Variants in PPP2R2B observed in about 807,000 individuals in gnomAD.
PPP2R2B encodes the protein protein phosphatase 2 regulatory subunit Bbeta.
PPP2R2B carries 5 observed loss-of-function variants against 46.0 expected under a neutral mutation model. That is an observed-to-expected ratio of 0.11 (90% confidence interval 0.06 to 0.23). The LOEUF is 0.23. Ranked by LOEUF, PPP2R2B falls within the 10% of genes least tolerant of loss-of-function variation. PPP2R2B has a pLI of 1.00. For synonymous variants in PPP2R2B, 215 were observed against 206.7 expected (o/e 1.04, Z -0.34); for missense variants, 367 against 575.0 (o/e 0.64, Z 3.70).
At chr5:146,754,133 G>C (rs187795189) in intron 2 of PPP2R2B, among the ~76,000 whole-genome samples, 1 of 152,158 alleles carries the variant, frequency 6.6e-6, no homozygotes, top group Non-Finnish European at 1.5e-5. Context: ...GTCAGATGAA[G>C]GATGATTGGA....
intron 2 of PPP2R2B, among the ~76,000 whole-genome samples, chr5:146,805,050 G>A (rs999738571): frequency 5.3e-5 from 8 of 152,194 alleles, no homozygotes; most frequent in Non-Finnish European, 1.2e-4. Flanking sequence ...CAAGCTGTGA[G>A]GTCAGATTTT....
chr5:146,932,836 T>C (rs2926170), intron 1 of PPP2R2B, among the ~76,000 whole-genome samples: 20,431 of 152,148 alleles, frequency 0.13, 1,630 homozygotes, highest in East Asian at 0.27. Context: ...ACTAACCACC[T>C]AGTATATGCA....
intron 2 of PPP2R2B, among the ~76,000 whole-genome samples, chr5:146,857,711 G>A (rs2151389403): frequency 6.6e-6 from 1 of 150,434 alleles, no homozygotes; most frequent in Non-Finnish European, 1.5e-5. Context: ...TTTTGAGATG[G>A]AGTTTTGCTC....
rs182167854 is a variant in PPP2R2B, at chr5:146,992,603, C to T, written c.79+63062G>A. Reference sequence around the variant, plus strand: ...GGGAGGACAAGGGGCACCTTATCACCGCCAGGGTGTTGGGGGAGTGGAAAC... The same window carrying T: ...GGGAGGACAAGGGGCACCTTATCACTGCCAGGGTGTTGGGGGAGTGGAAAC... On this transcript the variant is annotated intron_variant, in intron 1 of 8. Transcript: ENST00000336640. Among the ~76,000 whole-genome samples, 17 of 152,254 alleles carry T rather than the reference C, an allele frequency of 1.1e-4. No individual in the cohort carries two copies. In the East Asian group the frequency reaches 1.7e-3, roughly 16 times the overall value.
At chr5:146,952,055 A>G (rs974560351) in intron 1 of PPP2R2B, among the ~76,000 whole-genome samples, 3 of 149,824 alleles carry the variant, frequency 2.0e-5, no homozygotes, top group Admixed American at 6.7e-5. Context: ...ATGGAAATTT[A>G]TAATCTTTGG....
At chr5:146,899,275 C>A (rs1762746021) in intron 1 of PPP2R2B, among the ~76,000 whole-genome samples, 1 of 147,778 alleles carries the variant, frequency 6.8e-6, no homozygotes, top group Admixed American at 6.8e-5. Context: ...ACATATACAC[C>A]ATGGAATACT....
At chr5:146,636,065 T>C (rs1774800004) in intron 7 of PPP2R2B, among the ~76,000 whole-genome samples, 1 of 152,226 alleles carries the variant, frequency 6.6e-6, no homozygotes, top group Non-Finnish European at 1.5e-5. Flanking sequence ...TTCCAAATTA[T>C]CCTTGCATTG....
chr5:146,608,993 A>G (rs550082541), intron 7 of PPP2R2B, among the ~76,000 whole-genome samples: 2 of 152,348 alleles, frequency 1.3e-5, no homozygotes, highest in Admixed American at 1.3e-4. Context: ...CTATAAGCCA[A>G]TATCCCTGAT....
chr5:146,661,901 T>C (rs1776699197), intron 5 of PPP2R2B, among the ~76,000 whole-genome samples: 2 of 152,174 alleles, frequency 1.3e-5, no homozygotes, highest in African/African-American at 4.8e-5. Flanking sequence ...AGAGACATCT[T>C]AAAATACCCC....
At position 146,885,497 on chromosome 5, in the gene PPP2R2B, T is replaced by G. The variant is rs187982707; in HGVS notation, c.79+170168A>C. 5.3e-5 allele frequency among the ~76,000 whole-genome samples: 8 copies of G among 152,296 alleles called. No individual in the cohort carries two copies. The East Asian group carries it at 1.5e-3, about 29-fold the overall frequency. On this transcript the variant is annotated intron_variant, in intron 1 of 8. Transcript: ENST00000336640. ...TGTGTTGGTGAGGATGTGGCAAAAA[T>G]CAGAACCTTCAAATCCTACATTGCT... is the stretch of plus-strand genomic sequence containing the variant.
intron 2 of PPP2R2B, among the ~76,000 whole-genome samples, chr5:146,826,524 T>C (rs1019568285): frequency 6.6e-6 from 1 of 152,122 alleles, no homozygotes; most frequent in Non-Finnish European, 1.5e-5. Context: ...AAACCAGAGG[T>C]TGCACAAGCT....
chr5:146,695,154 A>G (rs545430511), intron 4 of PPP2R2B, among the ~76,000 whole-genome samples: 1 of 152,280 alleles, frequency 6.6e-6, no homozygotes, highest in Admixed American at 6.5e-5. Context: ...TAGTTACAAA[A>G]GAGTTTGCAG....
In PPP2R2B at chr5:147,042,601, A is replaced by G. The variant is rs375244736; in HGVS notation, c.79+13064T>C. ...ACCATGATGATTATTCATTCATCCA[A>G]CAAAGATTTATCATTCACTACTATA... On this transcript the variant is annotated intron_variant, in intron 1 of 8. Coordinates refer to the PPP2R2B transcript ENST00000336640. 1.1e-4 allele frequency among the ~76,000 whole-genome samples: 16 copies of G among 152,304 alleles called. 1 individual carries two copies. The East Asian group carries it at 2.7e-3, about 26-fold the overall frequency.
intron 1 of PPP2R2B, among the ~76,000 whole-genome samples, chr5:147,054,949 G>A (rs1280326225): frequency 6.6e-6 from 1 of 152,194 alleles, no homozygotes; most frequent in Admixed American, 6.5e-5. Context: ...GCAGTGCTTA[G>A]TTGAAAGGGA....
intron 5 of PPP2R2B, among the ~76,000 whole-genome samples, chr5:146,661,088 T>A (rs373629962): frequency 6.6e-6 from 1 of 152,330 alleles, no homozygotes; most frequent in East Asian, 1.9e-4. Context: ...AAGCATTCAA[T>A]CCTCTAAATC....
intron 2 of PPP2R2B, among the ~76,000 whole-genome samples, chr5:146,817,649 G>A (rs1431081314): frequency 6.6e-6 from 1 of 152,048 alleles, no homozygotes; most frequent in Non-Finnish European, 1.5e-5. Flanking sequence ...AAGTAACATA[G>A]GCTTGTTGTA....
At chr5:146,648,383 G>T (rs546188474) in intron 6 of PPP2R2B, among the ~76,000 whole-genome samples, 1 of 152,212 alleles carries the variant, frequency 6.6e-6, no homozygotes, top group South Asian at 2.1e-4. Flanking sequence ...CCATTATGGG[G>T]TCTATTCTAT....
chr5:146,927,053 C>T (rs1342752897), intron 1 of PPP2R2B, among the ~76,000 whole-genome samples: 1 of 152,138 alleles, frequency 6.6e-6, no homozygotes. Flanking sequence ...TGTACCTTGG[C>T]AGAACCTATA....
chr5:147,022,933 T>C (rs1755354490), intron 1 of PPP2R2B, among the ~76,000 whole-genome samples: 1 of 152,150 alleles, frequency 6.6e-6, no homozygotes, highest in African/African-American at 2.4e-5. Flanking sequence ...AGTGAATTCA[T>C]TGTCATGCAT....
Sources: allele counts gnomAD v4.1 joint callset (sites outside exome capture counted in the v4.1 genomes callset), GRCh38; gene constraint gnomAD v4.1.1; transcripts MANE v1.5; gene names NCBI Gene and HGNC (gene_info 2026-07-23, HGNC 2026-07-21).